Variants in VWA3A observed in about 807,000 individuals in gnomAD.
The protein encoded by VWA3A is von Willebrand factor A domain-containing protein 3A.
VWA3A carries 134 observed loss-of-function variants against 160.4 expected under a neutral mutation model. The observed-to-expected ratio is 0.84, with a 90% confidence interval of 0.73 to 0.96. The LOEUF is 0.96. Among genes scored for constraint, VWA3A ranks in the 40% least tolerant of loss-of-function variants. The pLI is 0.00. For missense variants in VWA3A, 1,310 were observed against 1,447.9 expected (o/e 0.90, Z 1.55); for synonymous variants, 476 against 543.4 (o/e 0.88, Z 1.72).
rs1043034633 is a variant in VWA3A, at chr16:22,131,278, C to A, written c.1726C>A (p.Arg576=). 81 of 1,613,694 alleles carry A rather than the reference C, an allele frequency of 5.0e-5. No individual in the cohort carries two copies. In the Admixed American group the frequency reaches 1.3e-3, roughly 25 times the overall value. Reference sequence around the variant, plus strand: ...TCACAACAATTTACAAAGTGCCTGGCGGTAGGTTATGGGCAGAGACTTCGT... The same window carrying A: ...TCACAACAATTTACAAAGTGCCTGGAGGTAGGTTATGGGCAGAGACTTCGT... ...VSHNNLQSAW[R]WALNLRCRGS... The change falls in exon 18 of 34, where the codon CGG becomes AGG. Residue 576 remains arginine, a splice_region_variant and synonymous_variant. Transcript: ENST00000389398.
At chr16:22,149,063 T>C (rs928502598) in intron 28 of VWA3A, among the ~76,000 whole-genome samples, 3 of 152,164 alleles carry the variant, frequency 2.0e-5, no homozygotes, top group Non-Finnish European at 4.4e-5. Flanking sequence ...TTGAGCACTT[T>C]CTGTGCACCA....
chr16:22,152,673 C>T (rs763890252), intron 31 of VWA3A, 39 bp downstream of exon 31: 66 of 1,573,350 alleles, frequency 4.2e-5, no homozygotes, highest in Middle Eastern at 1.7e-4. Context: ...TCTGTTGAAA[C>T]GGCTCGATAA....
intron 13 of VWA3A, 131 bp from the exon 14 acceptor site, chr16:22,121,383 G>A: frequency 1.2e-6 from 1 of 816,466 alleles, no homozygotes; most frequent in Admixed American, 2.2e-5. Context: ...GTTTGAGGAT[G>A]CAGTGAGTTA....
At chr16:22,113,645 C>T (rs2045590063) in intron 8 of VWA3A, among the ~76,000 whole-genome samples, 1 of 151,978 alleles carries the variant, frequency 6.6e-6, no homozygotes, top group Non-Finnish European at 1.5e-5. Context: ...GTCACCCAGG[C>T]CGGAGTTCAG....
intron 22 of VWA3A, among the ~76,000 whole-genome samples, chr16:22,139,654 C>T (rs549280127): frequency 5.9e-5 from 9 of 152,096 alleles, no homozygotes; most frequent in East Asian, 3.9e-4. Context: ...GAGATCACGC[C>T]GCTGCACTCC....
intron 3 of VWA3A, among the ~76,000 whole-genome samples, chr16:22,099,655 A>G (rs1447368915): frequency 1.3e-5 from 2 of 152,234 alleles, no homozygotes; most frequent in African/African-American, 4.8e-5. Flanking sequence ...CAGACAGCCC[A>G]GCAGGCCTCA....
At chr16:22,150,308 G>A (rs1268224212) in intron 29 of VWA3A, among the ~76,000 whole-genome samples, 1 of 152,158 alleles carries the variant, frequency 6.6e-6, no homozygotes, top group Admixed American at 6.5e-5. Flanking sequence ...GGATGAAGCA[G>A]GAGAATTGCT....
chr16:22,146,189 G>A lies in VWA3A; in HGVS notation c.2731-47G>A, dbSNP rs1364759746. 8 of 1,470,856 alleles carry A rather than the reference G, an allele frequency of 5.4e-6. No individual in the cohort carries two copies. In the African/African-American group the frequency reaches 9.7e-5, roughly 18 times the overall value. The allele number at this position is 1,470,856 out of a possible 1,614,324, so 91.1% of individuals were successfully genotyped here. ...TTTTAGGGGGTGATGGGGATATGAA[G>A]AAATGACTGATGGGGTGGGTGCTTG... On this transcript the variant is annotated intron_variant, in intron 26 of 33. Transcript: ENST00000389398.
intron 14 of VWA3A, among the ~76,000 whole-genome samples, chr16:22,122,556 G>A (rs1161836919): frequency 6.6e-6 from 1 of 152,076 alleles, no homozygotes; most frequent in Non-Finnish European, 1.5e-5. Context: ...GAAGAGTAAG[G>A]GACATGTAGG....
chr16:22,149,808 A>C lies in VWA3A; in HGVS notation c.3006A>C (p.Ala1002=). Residue 1002 remains alanine (A), a synonymous_variant, in exon 29 of 34, where the codon GCA becomes GCC. Transcript: ENST00000389398. ...CCAGTTTTAACCTGCTCAGCTTTGCAGAGAGCTTTCAGTCATGGCAGGACA... is the reference window on the plus strand; with the variant it reads ...CCAGTTTTAACCTGCTCAGCTTTGCCGAGAGCTTTCAGTCATGGCAGGACA... The part of the protein sequence containing the change: ...CCDSFNLLSF[A]ESFQSWQDTL... 6.2e-7 allele frequency: 1 copy of C among 1,607,672 alleles called. No homozygotes were observed.
chr16:22,150,973 C>T, intron 30 of VWA3A, 127 bp downstream of exon 30: 2 of 1,196,564 alleles, frequency 1.7e-6, no homozygotes, highest in Non-Finnish European at 2.3e-6. Context: ...GGCCCTAATC[C>T]TGTAAATCAG....
chr16:22,154,869 G>A (rs947814212), intron 31 of VWA3A, among the ~76,000 whole-genome samples: 1 of 146,526 alleles, frequency 6.8e-6, no homozygotes, highest in African/African-American at 2.5e-5. Flanking sequence ...CAGGAGAATG[G>A]CGTGAACCCG....
chr16:22,137,512 GA>G (rs1231041601), intron 21 of VWA3A, among the ~76,000 whole-genome samples: 1 of 152,190 alleles, frequency 6.6e-6, no homozygotes, highest in Admixed American at 6.5e-5. Flanking sequence ...TAAGCTCACA[GA>G]GCTGTAACTG....
At chr16:22,117,542 G>T (rs142172555) in intron 11 of VWA3A, among the ~76,000 whole-genome samples, 2 of 152,144 alleles carry the variant, frequency 1.3e-5, no homozygotes, top group East Asian at 1.9e-4. Context: ...GAATTGCCTC[G>T]ATTTTCTCTC....
At chr16:22,141,777 C>A (rs2046155350) in intron 24 of VWA3A, 85 bp downstream of exon 24, 3 of 1,175,630 alleles carry the variant, frequency 2.6e-6, no homozygotes, top group Non-Finnish European at 3.6e-6. Flanking sequence ...GGAAGGAGAC[C>A]CCTCCTGCTG....
At chr16:22,149,702 T>A in intron 28 of VWA3A, 85 bp from the exon 29 acceptor site, 5 of 1,430,484 alleles carry the variant, frequency 3.5e-6, no homozygotes, top group Non-Finnish European at 4.6e-6. Flanking sequence ...GGGTAACTTA[T>A]CTGAATTCAA....
intron 19 of VWA3A, among the ~76,000 whole-genome samples, chr16:22,132,560 A>G (rs1483480248): frequency 6.6e-6 from 1 of 152,006 alleles, no homozygotes; most frequent in East Asian, 1.9e-4. Context: ...TAAAATACAT[A>G]CATACATACA....
At chr16:22,104,138 C>T (rs917749157) in intron 6 of VWA3A, among the ~76,000 whole-genome samples, 4 of 152,088 alleles carry the variant, frequency 2.6e-5, no homozygotes, top group African/African-American at 9.7e-5. Context: ...TGACTTTAGA[C>T]CCGCAATGAG....
In VWA3A at chr16:22,112,231, G is replaced by A. The variant is rs117894125; in HGVS notation, c.689+1237G>A. Among the ~76,000 whole-genome samples the A allele has an allele frequency of 2.6e-4, 40 of 152,294 alleles. No homozygotes were observed. The East Asian group carries it at 7.7e-3, about 29-fold the overall frequency. ...AGTAGAAATTTATTTTCCGTGAAGG[G>A]AATGTCCTCGATTGCCCACCATGTA... On this transcript the variant is annotated intron_variant, in intron 8 of 33. Coordinates refer to ENST00000389398, the MANE Select transcript of VWA3A (RefSeq NM_173615.5).
Sources: gnomAD v4.1 joint callset for allele counts (sites outside exome capture counted in the v4.1 genomes callset) on GRCh38, gnomAD v4.1.1 for gene constraint, MANE v1.5 for transcripts, NCBI Gene and HGNC (gene_info 2026-07-23, HGNC 2026-07-21) for gene names.